ROBO2: variants seen among roughly 807,000 people sequenced by gnomAD.
ROBO2 encodes the protein roundabout guidance receptor 2.
A neutral mutation model predicts 160.8 loss-of-function variants in ROBO2; 53 were observed. The ratio of observed to expected loss-of-function variants is 0.33; its 90% CI spans 0.26 to 0.41. ROBO2 has a LOEUF of 0.41. Ranked by LOEUF, ROBO2 falls within the 10% of genes least tolerant of loss-of-function variation. ROBO2 has a pLI of 1.00. For synonymous variants in ROBO2, 664 were observed against 611.7 expected, an observed-to-expected ratio of 1.09 and a Z score of -1.26; for missense variants, 1,577 against 1,722.4, an observed-to-expected ratio of 0.92 and a Z score of 1.49.
At chr3:76,604,477 T>C (rs558041840) in intron 2 of ROBO2, among the ~76,000 whole-genome samples, 1 of 152,298 alleles carries the variant, frequency 6.6e-6, no homozygotes, top group African/African-American at 2.4e-5. Flanking sequence ...AAATCACCTT[T>C]TTTACCTCAT....
chr3:76,872,856 C>T (rs1007672964), intron 2 of ROBO2, among the ~76,000 whole-genome samples: 1 of 151,414 alleles, frequency 6.6e-6, no homozygotes, highest in African/African-American at 2.4e-5. Flanking sequence ...TTATGTAAGC[C>T]AGAGTCATCA....
intron 2 of ROBO2, among the ~76,000 whole-genome samples, chr3:76,470,810 G>A (rs751420718): frequency 1.8e-4 from 28 of 151,966 alleles, no homozygotes; most frequent in Non-Finnish European, 3.4e-4. Flanking sequence ...GTTACTTCAC[G>A]TAACATACAT....
chr3:77,126,913 C>T (rs1453090008), intron 2 of ROBO2, among the ~76,000 whole-genome samples: 3 of 150,934 alleles, frequency 2.0e-5, no homozygotes, highest in African/African-American at 7.3e-5. Flanking sequence ...CTCAGCCTCC[C>T]GAGTAGCTGG....
At chr3:76,405,893 G>T (rs1373604746) in intron 2 of ROBO2, among the ~76,000 whole-genome samples, 2 of 151,636 alleles carry the variant, frequency 1.3e-5, no homozygotes, top group Non-Finnish European at 3.0e-5. Flanking sequence ...TGCTCATATG[G>T]TTCTGTAATA....
intron 2 of ROBO2, among the ~76,000 whole-genome samples, chr3:76,834,062 T>TTTCCTTCCTTTCTTTCTTTC (rs368797764): frequency 4.5e-5 from 4 of 88,012 alleles, no homozygotes; most frequent in African/African-American, 1.4e-4. Flanking sequence ...CCTTTCTTTC[T>TTTCCTTCCTTTCTTTCTTTC]TTTCTTTCTT....
At chr3:77,032,964 A>C (rs1294990940) in intron 2 of ROBO2, among the ~76,000 whole-genome samples, 2 of 152,160 alleles carry the variant, frequency 1.3e-5, no homozygotes, top group Non-Finnish European at 2.9e-5. Context: ...CTTGGGTAAC[A>C]ATCAGCATTT....
At chr3:77,341,139 C>T (rs952053183) in intron 2 of ROBO2, among the ~76,000 whole-genome samples, 13 of 152,020 alleles carry the variant, frequency 8.6e-5, no homozygotes, top group African/African-American at 2.7e-4. Context: ...GTTTTCATAC[C>T]ACAATTCTAT....
chr3:76,329,979 G>A (rs1436719590), intron 2 of ROBO2, among the ~76,000 whole-genome samples: 1 of 152,118 alleles, frequency 6.6e-6, no homozygotes, highest in Non-Finnish European at 1.5e-5. Flanking sequence ...TGCAAAATGT[G>A]TAATATATCT....
chr3:76,833,745 C>T (rs267155), intron 2 of ROBO2, among the ~76,000 whole-genome samples: 1 of 152,116 alleles, frequency 6.6e-6, no homozygotes, highest in Non-Finnish European at 1.5e-5. Context: ...TCTCTTTTAT[C>T]CTCCTTCCTC....
intron 2 of ROBO2, among the ~76,000 whole-genome samples, chr3:76,677,116 A>G (rs2092430933): frequency 6.6e-6 from 1 of 152,126 alleles, no homozygotes; most frequent in Admixed American, 6.6e-5. Flanking sequence ...TATCTTTCCA[A>G]TGCTTTTATA....
intron 2 of ROBO2, among the ~76,000 whole-genome samples, chr3:76,472,100 T>TGTGTGTGTGC (rs1491261065): frequency 1.2e-4 from 13 of 111,124 alleles, no homozygotes; most frequent in African/African-American, 2.2e-4. Context: ...TGTGTGTGTG[T>TGTGTGTGTGC]GCGCGTGTGC....
rs781556883 is a variant in ROBO2, at chr3:77,634,851, C to G, written c.3761-19C>G. On this transcript the variant is annotated intron_variant, in intron 23 of 25. Coordinates refer to ENST00000461745, the Ensembl canonical transcript of ROBO2. The stretch of plus-strand genomic sequence containing the variant: ...ATAATGTCATTCTCTAGAACCCATT[C>G]CCTTTATTTTCATTTTAGGAAAAGC... 1 of 1,612,768 alleles carries G rather than the reference C, an allele frequency of 6.2e-7. No homozygotes were observed. Among genetic ancestry groups the G allele is most frequent in the African/African-American group, 1.3e-5 (1 of 74,982 alleles).
chr3:77,103,808 G>C (rs2072393479), intron 2 of ROBO2, among the ~76,000 whole-genome samples: 1 of 152,190 alleles, frequency 6.6e-6, no homozygotes, highest in Non-Finnish European at 1.5e-5. Context: ...TCTGTACAAA[G>C]AAGAGAGGCT....
intron 5 of ROBO2, among the ~76,000 whole-genome samples, chr3:77,517,974 G>A (rs1165986841): frequency 6.6e-6 from 1 of 151,458 alleles, no homozygotes; most frequent in Non-Finnish European, 1.5e-5. Context: ...GGGGATTATT[G>A]TACAGTATAT....
At chr3:76,361,995 T>G (rs2075550358) in intron 2 of ROBO2, among the ~76,000 whole-genome samples, 1 of 152,248 alleles carries the variant, frequency 6.6e-6, no homozygotes, top group East Asian at 1.9e-4. Context: ...TTTTAAAGTC[T>G]TGGAGTGATT....
intron 2 of ROBO2, among the ~76,000 whole-genome samples, chr3:76,172,362 A>C (rs1328305179): frequency 6.6e-6 from 1 of 151,388 alleles, no homozygotes; most frequent in Non-Finnish European, 1.5e-5. Flanking sequence ...GCGCATCAAC[A>C]TGGCACACAT....
chr3:76,736,393 GT>G (rs1160154584), intron 2 of ROBO2, among the ~76,000 whole-genome samples: 1 of 152,132 alleles, frequency 6.6e-6, no homozygotes, highest in African/African-American at 2.4e-5. Context: ...AGTTTGTGTG[GT>G]TTGGGGGCAT....
chr3:77,635,110 G>A (rs1395293370), intron 24 of ROBO2, 67 bp downstream of exon 25: 2 of 1,533,368 alleles, frequency 1.3e-6, no homozygotes, highest in East Asian at 2.3e-5. Flanking sequence ...CATTTACTTA[G>A]ATTAATGTAG....
intron 2 of ROBO2, among the ~76,000 whole-genome samples, chr3:76,656,699 C>T (rs996509002): frequency 6.6e-6 from 1 of 151,790 alleles, no homozygotes; most frequent in African/African-American, 2.4e-5. Flanking sequence ...TTATTTTTCC[C>T]ACTGTAAACC....
Sources: allele counts gnomAD v4.1 joint callset (sites outside exome capture counted in the v4.1 genomes callset), GRCh38; gene constraint gnomAD v4.1.1; transcripts MANE v1.5; gene names NCBI Gene and HGNC (gene_info 2026-07-23, HGNC 2026-07-21).